CDHR3: variants seen among roughly 807,000 people sequenced by gnomAD.
CDHR3 encodes the protein cadherin related family member 3.
A neutral mutation model predicts 86.6 loss-of-function variants in CDHR3; 79 were observed. The observed-to-expected ratio is 0.91, with a 90% confidence interval of 0.76 to 1.10. The LOEUF (loss-of-function observed/expected upper bound fraction) is 1.10. Among genes scored for constraint, CDHR3 ranks in the 50% least tolerant of loss-of-function variants. The pLI is 0.00. For synonymous variants in CDHR3, 421 were observed against 402.4 expected (o/e 1.05, Z -0.55); for missense variants, 1,081 against 1,077.6 (o/e 1.00, Z -0.04).
At position 106,030,878 on chromosome 7, in the gene CDHR3, A is replaced by G. The variant is rs1481120103; in HGVS notation, c.2353+38A>G. ...CAATACCACTGTAAGAATGCTTTTT[A>G]TATTCCAGACTGGTAGAAGCATGGA... is the stretch of plus-strand genomic sequence containing the variant. On this transcript the variant is annotated intron_variant, in intron 18 of 18. Transcript: ENST00000317716. This position sits in a 1 kb window ranked among gnomAD's most constrained non-coding sequence, Gnocchi z 4.8. The G allele has an allele frequency of 6.4e-7, 1 of 1,564,838 alleles. No individual in the cohort carries two copies. Among genetic ancestry groups the G allele is most frequent in the Non-Finnish European group, 8.8e-7 (1 of 1,142,664 alleles).
At chr7:106,019,398 T>TG (rs1252102385) in intron 12 of CDHR3, among the ~76,000 whole-genome samples, 1 of 152,060 alleles carries the variant, frequency 6.6e-6, no homozygotes, top group Non-Finnish European at 1.5e-5. Flanking sequence ...GTTTTTTTTT[T>TG]TTTTTAAAGA....
rs1265184730 is a variant in CDHR3, at chr7:106,030,103, T to C, written c.2305-689T>C. On this transcript the variant is annotated intron_variant, in intron 17 of 18. Coordinates refer to ENST00000317716, the MANE Select transcript of CDHR3 (RefSeq NM_152750.5). The surrounding 1 kb of genome is among the most constrained non-coding windows in gnomAD (Gnocchi z 4.8). ...AAACTCCAAACACAATCCTTGTTACTGTGCTAGTGACCCTGACTTTGGCAC... is the reference window on the plus strand; with the variant it reads ...AAACTCCAAACACAATCCTTGTTACCGTGCTAGTGACCCTGACTTTGGCAC... Among the ~76,000 whole-genome samples, 2 of 152,182 alleles carry C rather than the reference T, an allele frequency of 1.3e-5. No homozygotes were observed. Among genetic ancestry groups the C allele is most frequent in the Non-Finnish European group, 2.9e-5 (2 of 68,028 alleles).
At chr7:105,965,342 C>T (rs573602897) in intron 1 of CDHR3, among the ~76,000 whole-genome samples, 4 of 152,182 alleles carry the variant, frequency 2.6e-5, no homozygotes, top group South Asian at 2.1e-4. Context: ...AGCATGAAGA[C>T]GGGTGCCTAT....
rs576911850 is a variant in CDHR3 at position 106,026,770 on chromosome 7, C to T, written c.2272+75C>T. 26 of 1,489,430 alleles carry T rather than the reference C, an allele frequency of 1.7e-5. No individual in the cohort carries two copies. The East Asian group carries it at 2.9e-4, about 17-fold the overall frequency. The allele number at this position is 1,489,430 out of a possible 1,614,324, so 92.3% of individuals were successfully genotyped here. On this transcript the variant is annotated intron_variant, in intron 16 of 18. Coordinates refer to ENST00000317716, the MANE Select transcript of CDHR3 (RefSeq NM_152750.5). Reference sequence around the variant, plus strand: ...TGTGCTACGTAAAAAGGTTCCTACTCGGCAAAGAATCAGGCCGCGATCACA... The same window carrying T: ...TGTGCTACGTAAAAAGGTTCCTACTTGGCAAAGAATCAGGCCGCGATCACA...
At chr7:106,010,716 C>T (rs1834669404) in intron 8 of CDHR3, among the ~76,000 whole-genome samples, 1 of 152,134 alleles carries the variant, frequency 6.6e-6, no homozygotes, top group Non-Finnish European at 1.5e-5. Flanking sequence ...GCTCCAAGAA[C>T]CAGATGCTAA....
intron 1 of CDHR3, among the ~76,000 whole-genome samples, chr7:105,970,757 C>G (rs923921150): frequency 6.6e-6 from 1 of 152,170 alleles, no homozygotes; most frequent in African/African-American, 2.4e-5. Context: ...ACCCTAGTCA[C>G]TTATTATCCT....
intron 8 of CDHR3, 88 bp downstream of exon 8, chr7:106,004,775 T>G: frequency 7.9e-7 from 1 of 1,271,384 alleles, no homozygotes; most frequent in Non-Finnish European, 1.1e-6. Context: ...CTCAGGAGAA[T>G]TATAAGCATT....
chr7:106,017,774 G>A (rs1235566002), intron 11 of CDHR3, 72 bp from the exon 12 acceptor site: 3 of 1,252,092 alleles, frequency 2.4e-6, no homozygotes, highest in African/African-American at 1.5e-5. Flanking sequence ...TGGCAGTTAG[G>A]ACATCTGTTC....
chr7:105,981,062 A>G lies in CDHR3; in HGVS notation c.344A>G (p.Asp115Gly). Residue 115 changes from aspartate to glycine, a missense_variant, in exon 3 of 19, where the codon GAC (aspartate) becomes GGC (glycine). Coordinates refer to ENST00000317716, the MANE Select transcript of CDHR3 (RefSeq NM_152750.5). ...GTGAAGGATGAGGTTGGTGTCACAG[A>G]CCTGCAAGTCCTGACTGTCCAGGTA... ...IYVKDEVGVT[D>G]LQVLTVQVTD... 3 of 1,613,492 alleles carry G rather than the reference A, an allele frequency of 1.9e-6. No individual in the cohort carries two copies. The South Asian group carries it at 3.3e-5, about 18-fold the overall frequency.
chr7:105,982,145 T>A (rs946386051), intron 3 of CDHR3, among the ~76,000 whole-genome samples: 8 of 151,812 alleles, frequency 5.3e-5, no homozygotes, highest in Non-Finnish European at 1.2e-4. Flanking sequence ...TACAAGAAAT[T>A]CCCGTCTCAC....
intron 1 of CDHR3, among the ~76,000 whole-genome samples, chr7:105,968,905 G>A (rs3890915): frequency 0.25 from 38,037 of 150,998 alleles, 5,351 homozygotes; most frequent in East Asian, 0.67. Flanking sequence ...TGGCTAACAC[G>A]GTGAAACCCA....
rs1838749054 is a variant in CDHR3, at chr7:106,034,479, C to T, written c.*1782C>T. On this transcript the variant is annotated 3_prime_UTR_variant, in exon 19 of 19. Coordinates refer to ENST00000317716, the MANE Select transcript of CDHR3 (RefSeq NM_152750.5). Reference sequence around the variant, plus strand: ...TTTACTGTGTGCCTAGTGCCAGTGTCACTTCTCAAGCAAAAGAAGCATTTG... The same window carrying T: ...TTTACTGTGTGCCTAGTGCCAGTGTTACTTCTCAAGCAAAAGAAGCATTTG... 6.6e-6 allele frequency among the ~76,000 whole-genome samples: 1 copy of T among 152,204 alleles called. No homozygotes were observed. The highest frequency in any genetic ancestry group is 2.1e-4 in the South Asian group (1 of 4,834).
intron 4 of CDHR3, among the ~76,000 whole-genome samples, chr7:105,985,479 T>C (rs1178294476): frequency 6.6e-6 from 1 of 152,234 alleles, no homozygotes; most frequent in Non-Finnish European, 1.5e-5. Context: ...GTTTCTACTG[T>C]TTGCTGCATG....
chr7:106,025,349 A>G (rs942523106), intron 15 of CDHR3, among the ~76,000 whole-genome samples: 1 of 152,190 alleles, frequency 6.6e-6, no homozygotes, highest in African/African-American at 2.4e-5. Context: ...TATGGCTTTG[A>G]GCAAGTGACC....
intron 8 of CDHR3, among the ~76,000 whole-genome samples, chr7:106,012,300 C>G (rs930577329): frequency 2.0e-5 from 3 of 151,936 alleles, no homozygotes; most frequent in Non-Finnish European, 4.4e-5. Context: ...GAGGAAGTAC[C>G]GGGCAGGGAA....
Position 105,963,382 on chromosome 7 carries a change from C to T in CDHR3, c.46+18C>T, listed in dbSNP as rs375467456. On this transcript the variant is annotated intron_variant, in intron 1 of 18. Coordinates refer to ENST00000317716, the MANE Select transcript of CDHR3 (RefSeq NM_152750.5). Reference sequence around the variant, plus strand: ...CATGTCAGGTAGGAACTCAATTTTGCTTTGGAACCTTGCTTGCCTACTTGG... The same window carrying T: ...CATGTCAGGTAGGAACTCAATTTTGTTTTGGAACCTTGCTTGCCTACTTGG... 2.7e-5 allele frequency: 44 copies of T among 1,613,180 alleles called. No individual in the cohort carries two copies. The highest frequency in any genetic ancestry group is 2.7e-4 in the Admixed American group (16 of 60,012).
chr7:106,025,618 AG>A (rs1837236031), intron 15 of CDHR3, among the ~76,000 whole-genome samples: 1 of 152,168 alleles, frequency 6.6e-6, no homozygotes, highest in African/African-American at 2.4e-5. Context: ...TGGCAAAAAG[AG>A]GGGGTGATAA....
In CDHR3 at chr7:106,015,112, T is replaced by G. The variant is rs1417641494; in HGVS notation, c.1226T>G (p.Leu409Arg). ...QDPAGSGKIV[L>R]IGDLDYENPS... The stretch of plus-strand genomic sequence containing the variant: ...TCTACTATCTCTGTTTTAATCTAGC[T>G]GATTGGTGATCTAGACTACGAAAAT... The change falls in exon 10 of 19, where the codon CTG becomes CGG. Residue 409 changes from leucine (L) to arginine (R), a missense_variant and splice_region_variant. By Grantham distance (102) the Leu-to-Arg change is moderately radical (BLOSUM62 -2). Coordinates refer to ENST00000317716, the MANE Select transcript of CDHR3 (RefSeq NM_152750.5). The G allele has an allele frequency of 6.2e-7, 1 of 1,600,734 alleles. No homozygotes were observed. Among genetic ancestry groups the G allele is most frequent in the Admixed American group, 1.7e-5 (1 of 58,676 alleles).
chr7:106,028,116 TTAAAATAAAATAAAATAAAA>T lies in CDHR3; in HGVS notation c.2273-389_2273-370del, dbSNP rs59804877. Reference sequence around the variant, plus strand: ...TGGACGACAAGAGTGAGACCCTGTCTTAAAATAAAATAAAATAAAATAAAATAAAATAAAATAAAATAAAA... The same window carrying T: ...TGGACGACAAGAGTGAGACCCTGTCTTAAAATAAAATAAAATAAAATAAAA... On this transcript the variant is annotated intron_variant, in intron 16 of 18. Transcript: ENST00000317716. Among the ~76,000 whole-genome samples, 125 of 120,278 alleles carry T rather than the reference TTAAAATAAAATAAAATAAAA, an allele frequency of 1.0e-3. 1 individual carries two copies. Among genetic ancestry groups the T allele is most frequent in the East Asian group, 1.7e-3 (7 of 4,170 alleles). The allele number at this position is 120,278 out of a possible 152,430, so 78.9% of individuals were successfully genotyped here.
Sources: gnomAD v4.1 joint callset for allele counts (sites outside exome capture counted in the v4.1 genomes callset) on GRCh38, gnomAD v4.1.1 for gene constraint, Gnocchi (gnomAD v3.1) non-coding constraint, MANE v1.5 for transcripts, NCBI Gene and HGNC (gene_info 2026-07-23, HGNC 2026-07-21) for gene names.